Variants in DLC1 observed in about 807,000 individuals in gnomAD.
DLC1 encodes the protein DLC1 Rho GTPase activating protein.
Under a neutral mutation model 140.3 loss-of-function variants are expected in DLC1, and 54 were observed. That is an observed-to-expected ratio of 0.38 (90% CI 0.31 to 0.48). The LOEUF is 0.48. Ranked by LOEUF, DLC1 falls within the 20% of genes least tolerant of loss-of-function variation. The pLI is 0.96. For synonymous variants in DLC1, 986 were observed against 728.1 expected (o/e 1.35, Z -5.70); for missense variants, 2,536 against 1,907.0 (o/e 1.33, Z -6.14).
chr8:13,266,565 T>G (rs1430026527), intron 5 of DLC1, among the ~76,000 whole-genome samples: 1 of 151,862 alleles, frequency 6.6e-6, no homozygotes, highest in Non-Finnish European at 1.5e-5. Context: ...GCCAACATGG[T>G]GAAACCCCAT....
chr8:13,384,362 A>G (rs1013285305), intron 4 of DLC1, among the ~76,000 whole-genome samples: 1 of 125,348 alleles, frequency 8.0e-6, no homozygotes, highest in Non-Finnish European at 1.9e-5. Flanking sequence ...AGACAAAACT[A>G]TGTGTGTGAG....
chr8:13,530,586 C>T (rs1384788506), intron 1 of DLC1, among the ~76,000 whole-genome samples: 1 of 152,154 alleles, frequency 6.6e-6, no homozygotes, highest in Non-Finnish European at 1.5e-5. Flanking sequence ...AAACTTCAGC[C>T]TGCATTTGTC....
At chr8:13,459,807 A>G (rs368923885) in intron 2 of DLC1, among the ~76,000 whole-genome samples, 10 of 152,350 alleles carry the variant, frequency 6.6e-5, no homozygotes, top group South Asian at 2.1e-4. Context: ...AGCATAATAA[A>G]ACTTGAAGAA....
intron 2 of DLC1, among the ~76,000 whole-genome samples, chr8:13,409,522 A>G (rs924432677): frequency 1.3e-5 from 2 of 152,200 alleles, no homozygotes; most frequent in African/African-American, 2.4e-5. Flanking sequence ...GTATAAGACA[A>G]TATTGCATTG....
intron 1 of DLC1, among the ~76,000 whole-genome samples, chr8:13,585,746 C>A (rs574276970): frequency 5.9e-4 from 90 of 152,238 alleles, no homozygotes; most frequent in African/African-American, 2.1e-3. Flanking sequence ...ACCCTGATTT[C>A]TTCTTTCACA....
chr8:13,444,349 G>T (rs1371926456), intron 2 of DLC1, among the ~76,000 whole-genome samples: 2 of 152,056 alleles, frequency 1.3e-5, no homozygotes, highest in African/African-American at 2.4e-5. Flanking sequence ...ACCTAATGTA[G>T]ATGACAAGTT....
At position 13,579,260 on chromosome 8, in the gene DLC1, A is replaced by ATATATATATATATATATATATATG. The variant is rs1182154684; in HGVS notation, c.-126+25276_-126+25277insCATATATATATATATATATATATA. The stretch of plus-strand genomic sequence containing the variant: ...GAACAGGGAGCATATATATATATAT[A>ATATATATATATATATATATATATG]TATATATATGCACATATCTACCTGG... On this transcript the variant is annotated intron_variant, in intron 1 of 1. Coordinates refer to the DLC1 transcript ENST00000631382. Among the ~76,000 whole-genome samples the ATATATATATATATATATATATATG allele has an allele frequency of 5.5e-5, 6 of 109,458 alleles. 1 individual carries two copies. Among genetic ancestry groups the ATATATATATATATATATATATATG allele is most frequent in the African/African-American group, 2.1e-4 (6 of 27,948 alleles). 71.8% of individuals were successfully genotyped at this position (109,458 alleles called of 152,430 possible).
rs576627251 is a variant in DLC1, at chr8:13,425,190, C to T, written c.1024-23571G>A. On this transcript the variant is annotated intron_variant, in intron 2 of 17. Transcript: ENST00000276297. ...CTCCATAGATGCACGAGTCAAGCGG[C>T]TGTTTCCCACAAACTCTTCGGCTCC... 2.6e-5 allele frequency among the ~76,000 whole-genome samples: 4 copies of T among 152,132 alleles called. No individual in the cohort carries two copies. In the East Asian group the frequency reaches 7.7e-4, roughly 29 times the overall value.
At chr8:13,493,282 T>G (rs2117173862) in intron 2 of DLC1, among the ~76,000 whole-genome samples, 1 of 152,380 alleles carries the variant, frequency 6.6e-6, no homozygotes, top group East Asian at 1.9e-4. Context: ...CGGCTGATAC[T>G]AAGCTTATTC....
intron 2 of DLC1, among the ~76,000 whole-genome samples, chr8:13,426,999 A>T (rs1043066442): frequency 1.3e-5 from 2 of 152,140 alleles, no homozygotes; most frequent in African/African-American, 4.8e-5. Flanking sequence ...CTTTTGTCTG[A>T]TGCAGGTGTG....
At chr8:13,462,893 G>T (rs1799738626) in intron 2 of DLC1, among the ~76,000 whole-genome samples, 1 of 152,150 alleles carries the variant, frequency 6.6e-6, no homozygotes, top group African/African-American at 2.4e-5. Context: ...TGTATCAGTT[G>T]CTATAGCTAC....
At chr8:13,366,293 T>A (rs963752317) in intron 4 of DLC1, among the ~76,000 whole-genome samples, 1 of 152,154 alleles carries the variant, frequency 6.6e-6, no homozygotes, top group East Asian at 1.9e-4. Flanking sequence ...CTTTAATTCA[T>A]TGAGAAAATG....
intron 5 of DLC1, among the ~76,000 whole-genome samples, chr8:13,246,619 C>G (rs1829774074): frequency 6.6e-6 from 1 of 150,952 alleles, no homozygotes; most frequent in East Asian, 1.9e-4. Flanking sequence ...TCATCAGGTT[C>G]ATAATAAAGA....
chr8:13,568,820 G>C (rs1406300225), intron 1 of DLC1, among the ~76,000 whole-genome samples: 1 of 152,176 alleles, frequency 6.6e-6, no homozygotes, highest in East Asian at 1.9e-4. Context: ...CATGTATTGG[G>C]CACTGCTGAC....
chr8:13,150,776 T>C (rs1387349322), intron 5 of DLC1, among the ~76,000 whole-genome samples: 1 of 152,248 alleles, frequency 6.6e-6, no homozygotes, highest in Non-Finnish European at 1.5e-5. Context: ...AAAATCTCAC[T>C]GAGGGGTCTG....
chr8:13,582,388 C>T (rs1370163876), intron 1 of DLC1, among the ~76,000 whole-genome samples: 1 of 152,054 alleles, frequency 6.6e-6, no homozygotes, highest in Admixed American at 6.5e-5. Flanking sequence ...AGGGTGTTGC[C>T]AAAGGAGATT....
intron 2 of DLC1, among the ~76,000 whole-genome samples, chr8:13,489,176 A>C (rs1801115973): frequency 6.6e-6 from 1 of 152,110 alleles, no homozygotes; most frequent in Non-Finnish European, 1.5e-5. Context: ...CGAACTCCTG[A>C]CATCAGGTGA....
chr8:13,289,295 A>T (rs998608857), intron 5 of DLC1, among the ~76,000 whole-genome samples: 1 of 152,118 alleles, frequency 6.6e-6, no homozygotes, highest in Non-Finnish European at 1.5e-5. Flanking sequence ...AGTTCAAGCT[A>T]TCTTCCTGCC....
rs1262591881 is a variant in DLC1, at chr8:13,091,389, C to A, written c.3784G>T (p.Asp1262Tyr). ...KQSLGKPDQK[D>Y]LNENLAATQG... ...GTGGCAGCTAGGTTTTCATTCAAAT[C>A]TTTCTGATCTGGTTTGCCCAAACTT... The change falls in exon 14 of 18, where the codon GAT becomes TAT. Residue 1262 changes from aspartate to tyrosine, a missense_variant. Coordinates refer to ENST00000276297, the MANE Select transcript of DLC1 (RefSeq NM_182643.3). 2.5e-6 allele frequency: 4 copies of A among 1,614,000 alleles called. No individual in the cohort carries two copies. Among genetic ancestry groups the A allele is most frequent in the Non-Finnish European group, 1.7e-6 (2 of 1,180,022 alleles).
Sources: allele counts gnomAD v4.1 joint callset (sites outside exome capture counted in the v4.1 genomes callset), GRCh38; gene constraint gnomAD v4.1.1; transcripts MANE v1.5; gene names NCBI Gene and HGNC (gene_info 2026-07-23, HGNC 2026-07-21).